The following FANCD2 variants were observed in gnomAD, a reference collection of about 807,000 sequenced individuals.
FANCD2 encodes Fanconi anemia group D2 protein.
In FANCD2, 131 loss-of-function variants were observed where a neutral mutation model predicts 192.3. The ratio of observed to expected loss-of-function variants is 0.68; its 90% confidence interval spans 0.59 to 0.79. FANCD2 has a LOEUF of 0.79. Among genes scored for constraint, FANCD2 ranks in the 30% least tolerant of loss-of-function variants. The pLI is 0.00. For synonymous variants in FANCD2, 524 were observed against 612.5 expected, an observed-to-expected ratio of 0.86 and a Z score of 2.13; for missense variants, 1,508 against 1,701.6, an observed-to-expected ratio of 0.89 and a Z score of 2.00.
chr3:10,077,837 T>C (rs1161577609), intron 29 of FANCD2, among the ~76,000 whole-genome samples: 1 of 151,900 alleles, frequency 6.6e-6, no homozygotes, highest in Non-Finnish European at 1.5e-5. Context: ...TGAGACCAGC[T>C]TGGGCAATAT....
intron 29 of FANCD2, among the ~76,000 whole-genome samples, chr3:10,075,333 G>A (rs1473574256): frequency 6.6e-6 from 1 of 152,120 alleles, no homozygotes; most frequent in East Asian, 1.9e-4. Context: ...ATAGGCATCC[G>A]CCATCACACC....
chr3:10,063,774 T>C lies in FANCD2; in HGVS notation c.1828-18T>C, dbSNP rs777336575. ...ATTGGCAGCCCAAGGTTTAAACCAT[T>C]CTTCCTCTTTGCTCCAGGTGACCTC... On this transcript the variant is annotated intron_variant, in intron 20 of 43. Transcript: ENST00000675286. 3 of 1,614,152 alleles carry C rather than the reference T, an allele frequency of 1.9e-6. No individual in the cohort carries two copies. The South Asian group carries it at 3.3e-5, about 18-fold the overall frequency.
intron 26 of FANCD2, among the ~76,000 whole-genome samples, chr3:10,069,904 C>A (rs1348692474): frequency 2.0e-5 from 3 of 151,932 alleles, no homozygotes; most frequent in African/African-American, 7.3e-5. Flanking sequence ...AAGTGAGGAG[C>A]GTCTCTGCCT....
Position 10,046,335 on chromosome 3 carries a change from G to A in FANCD2, c.1135-245G>A, listed in dbSNP as rs184433000. 6.3e-6 allele frequency: 3 copies of A among 475,962 alleles called. No individual in the cohort carries two copies. The East Asian group carries it at 1.4e-4, about 23-fold the overall frequency. 29.5% of individuals were successfully genotyped at this position (475,962 alleles called of 1,614,324 possible). ...CCCAAAGTGCTGGGATTACAGATGT[G>A]AGCCACTGTGCCTGGCCTGCTCTGT... On this transcript the variant is annotated intron_variant, in intron 14 of 43. Coordinates refer to ENST00000675286, the MANE Select transcript of FANCD2 (RefSeq NM_001018115.3).
chr3:10,090,509 G>C, intron 37 of FANCD2, 124 bp downstream of exon 37: 2 of 637,838 alleles, frequency 3.1e-6, no homozygotes, highest in South Asian at 3.4e-5. Context: ...GCCCAGACTG[G>C]AGTGCAGTGG....
At chr3:10,084,876 T>C (rs1376389929) in intron 32 of FANCD2, among the ~76,000 whole-genome samples, 1 of 152,170 alleles carries the variant, frequency 6.6e-6, no homozygotes, top group African/African-American at 2.4e-5. Context: ...ATGAAAGCAG[T>C]GGTTTAAGAA....
At chr3:10,058,995 T>G (rs1222276224) in intron 18 of FANCD2, among the ~76,000 whole-genome samples, 1 of 152,176 alleles carries the variant, frequency 6.6e-6, no homozygotes, top group African/African-American at 2.4e-5. Flanking sequence ...CTTTAATGTT[T>G]TTCAGCAATG....
At chr3:10,072,095 C>T (rs1322295047) in intron 26 of FANCD2, among the ~76,000 whole-genome samples, 7 of 152,070 alleles carry the variant, frequency 4.6e-5, no homozygotes, top group Non-Finnish European at 1.0e-4. Flanking sequence ...AGGGTGACTA[C>T]AGTCAACAAT....
chr3:10,094,236 G>C (rs1694819387), intron 39 of FANCD2, 53 bp from the exon 40 acceptor site: 1 of 1,352,496 alleles, frequency 7.4e-7, no homozygotes, highest in African/African-American at 1.4e-5. Flanking sequence ...TGCCTCAGGG[G>C]CCTTTCAGTG....
At chr3:10,079,591 G>T (rs1693719323) in intron 30 of FANCD2, among the ~76,000 whole-genome samples, 1 of 152,320 alleles carries the variant, frequency 6.6e-6, no homozygotes, top group Admixed American at 6.5e-5. Context: ...CTCCCAAAGT[G>T]CTGGGATTAT....
chr3:10,064,953 G>A, intron 23 of FANCD2, 78 bp downstream of exon 23: 2 of 1,503,920 alleles, frequency 1.3e-6, no homozygotes, highest in Non-Finnish European at 1.8e-6. Flanking sequence ...TGGTGGGGAA[G>A]TTGAGTCAAA....
chr3:10,042,465 G>T, intron 10 of FANCD2, 94 bp from the exon 11 acceptor site: 1 of 1,021,470 alleles, frequency 9.8e-7, no homozygotes, highest in Non-Finnish European at 1.6e-6. Flanking sequence ...TGGAGTAAGA[G>T]AAGTGATTTT....
At chr3:10,076,630 A>C (rs1326907436) in intron 29 of FANCD2, among the ~76,000 whole-genome samples, 1 of 151,564 alleles carries the variant, frequency 6.6e-6, no homozygotes, top group Non-Finnish European at 1.5e-5. Flanking sequence ...GCAACCTTGA[A>C]CTCCTGGGTT....
At position 10,049,370 on chromosome 3, in the gene FANCD2, A is replaced by G. The variant is rs781613701; in HGVS notation, c.1414-4A>G. 8 of 1,607,356 alleles carry G rather than the reference A, an allele frequency of 5.0e-6. No homozygotes were observed. Among genetic ancestry groups the G allele is most frequent in the Middle Eastern group, 1.7e-4 (1 of 6,052 alleles). ...CACTGTTCTGTTGACTCTCCCCTGTATAGGAAGTGGTTGGTGCCTTAGTGA... is the reference window on the plus strand; with the variant it reads ...CACTGTTCTGTTGACTCTCCCCTGTGTAGGAAGTGGTTGGTGCCTTAGTGA... On this transcript the variant is annotated splice_polypyrimidine_tract_variant and splice_region_variant and intron_variant, in intron 16 of 43. Transcript: ENST00000675286.
At position 10,041,609 on chromosome 3, in the gene FANCD2, T is replaced by A; in HGVS notation, c.696-14T>A. 1 of 1,593,182 alleles carries A rather than the reference T, an allele frequency of 6.3e-7. No homozygotes were observed. Among genetic ancestry groups the A allele is most frequent in the South Asian group, 1.1e-5 (1 of 90,676 alleles). On this transcript the variant is annotated splice_polypyrimidine_tract_variant and intron_variant, in intron 9 of 43. Coordinates refer to ENST00000675286, the MANE Select transcript of FANCD2 (RefSeq NM_001018115.3). ...AACCATTATACAACTTTTTTCTTTT[T>A]CTACCATTCACAGTGACCTACTGAT...
At chr3:10,082,427 A>G (rs1693899471) in intron 32 of FANCD2, among the ~76,000 whole-genome samples, 1 of 152,158 alleles carries the variant, frequency 6.6e-6, no homozygotes, top group East Asian at 1.9e-4. Flanking sequence ...TCTTCCTAAC[A>G]TAAACCCAGT....
At chr3:10,080,358 T>A (rs935220665) in intron 30 of FANCD2, among the ~76,000 whole-genome samples, 1 of 152,204 alleles carries the variant, frequency 6.6e-6, no homozygotes, top group Non-Finnish European at 1.5e-5. Flanking sequence ...CTCAGCCTCC[T>A]GAGTAGCTAG....
chr3:10,073,384 G>A (rs756900653), intron 28 of FANCD2, 22 bp downstream of exon 28: 18 of 1,476,040 alleles, frequency 1.2e-5, no homozygotes, highest in South Asian at 9.0e-5. Context: ...ATGGGTATCC[G>A]TGAAGGTTTG....
At chr3:10,048,192 C>T in intron 16 of FANCD2, 141 bp downstream of exon 16, 1 of 1,093,366 alleles carries the variant, frequency 9.1e-7, no homozygotes, top group Non-Finnish European at 1.3e-6. Context: ...TAGTCCCAGC[C>T]TTGATGAAAG....
Sources: gnomAD v4.1 joint callset for allele counts (sites outside exome capture counted in the v4.1 genomes callset) on GRCh38, gnomAD v4.1.1 for gene constraint, MANE v1.5 for transcripts, NCBI Gene and HGNC (gene_info 2026-07-23, HGNC 2026-07-21) for gene names.